Variants in NPAS2 observed in about 807,000 individuals in gnomAD.
NPAS2 encodes the protein neuronal PAS domain-containing protein 2.
Under a neutral mutation model 107.5 loss-of-function variants are expected in NPAS2, and 23 were observed. The ratio of observed to expected loss-of-function variants is 0.21; its 90% CI spans 0.15 to 0.30. The LOEUF (loss-of-function observed/expected upper bound fraction) is 0.30. Ranked by LOEUF, NPAS2 falls within the 10% of genes least tolerant of loss-of-function variation. NPAS2 has a pLI of 1.00. For synonymous variants in NPAS2, 403 were observed against 417.5 expected (o/e 0.97, Z 0.42); for missense variants, 756 against 1,043.3 (o/e 0.72, Z 3.79).
chr2:100,960,596 T>G (rs1357479668), intron 7 of NPAS2, among the ~76,000 whole-genome samples: 1 of 152,112 alleles, frequency 6.6e-6, no homozygotes, highest in Non-Finnish European at 1.5e-5. Flanking sequence ...GGCCTCCTGC[T>G]GACTAGTGTT....
intron 4 of NPAS2, chr2:100,934,729 C>G: frequency 1.0e-6 from 1 of 952,646 alleles, no homozygotes; most frequent in African/African-American, 1.8e-5. Flanking sequence ...AGCATCTCCT[C>G]CCTGGTGGCC....
At chr2:100,981,205 G>A (rs568782733) in intron 15 of NPAS2, among the ~76,000 whole-genome samples, 1 of 152,362 alleles carries the variant, frequency 6.6e-6, no homozygotes, top group East Asian at 1.9e-4. Context: ...CAGAGGAAAA[G>A]AGAGAGGCCC....
chr2:100,964,302 G>T (rs138235149), intron 8 of NPAS2, 126 bp downstream of exon 8: 23 of 743,610 alleles, frequency 3.1e-5, no homozygotes, highest in Non-Finnish European at 4.1e-5. Flanking sequence ...TTTGAAAATC[G>T]AAGTGTCTGG....
intron 1 of NPAS2, 28 bp from the exon 2 acceptor site, chr2:100,904,705 T>C (rs760032633): frequency 3.6e-6 from 5 of 1,386,096 alleles, no homozygotes; most frequent in Non-Finnish European, 5.0e-6. Context: ...TTATCCATTC[T>C]TTTTAATTTT....
At chr2:100,854,851 G>A (rs186171148) in intron 1 of NPAS2, among the ~76,000 whole-genome samples, 91 of 152,310 alleles carry the variant, frequency 6.0e-4, no homozygotes, top group Non-Finnish European at 1.2e-3. Flanking sequence ...CTCTACAGCT[G>A]TGCACAGTGT....
chr2:100,921,604 G>A (rs1683231808), intron 2 of NPAS2, among the ~76,000 whole-genome samples: 1 of 152,032 alleles, frequency 6.6e-6, no homozygotes, highest in Admixed American at 6.6e-5. Context: ...TGGAAAATAG[G>A]CAGAAGATTT....
At chr2:100,959,089 C>CAAAAAA (rs758460503) in intron 7 of NPAS2, among the ~76,000 whole-genome samples, 26 of 47,540 alleles carry the variant, frequency 5.5e-4, no homozygotes, top group African/African-American at 9.5e-4. Context: ...CCCATCTCTT[C>CAAAAAA]AAAAAAAAAA....
At chr2:100,941,486 C>T (rs1228786905) in intron 5 of NPAS2, among the ~76,000 whole-genome samples, 2 of 152,056 alleles carry the variant, frequency 1.3e-5, no homozygotes, top group Admixed American at 1.3e-4. Flanking sequence ...TCGCTTGAGC[C>T]TGGGAGGAGG....
At chr2:100,930,671 T>A (rs373177899) in intron 3 of NPAS2, among the ~76,000 whole-genome samples, 40 of 152,196 alleles carry the variant, frequency 2.6e-4, no homozygotes, top group Non-Finnish European at 5.0e-4. Flanking sequence ...GGAGTCTAAT[T>A]CAGTTGTTGA....
chr2:100,855,268 C>T (rs1573473738), intron 1 of NPAS2, among the ~76,000 whole-genome samples: 1 of 152,116 alleles, frequency 6.6e-6, no homozygotes, highest in Non-Finnish European at 1.5e-5. Context: ...AATGTGCACC[C>T]CTGTTTGAGT....
intron 1 of NPAS2, among the ~76,000 whole-genome samples, chr2:100,900,862 C>T (rs553515563): frequency 6.6e-6 from 1 of 151,760 alleles, no homozygotes; most frequent in African/African-American, 2.4e-5. Context: ...CTTTTCCCCT[C>T]CCCTCCCCTC....
chr2:100,982,425 G>C, intron 16 of NPAS2, 48 bp downstream of exon 16: 1 of 1,599,456 alleles, frequency 6.3e-7, no homozygotes, highest in African/African-American at 1.3e-5. Context: ...TGTGTGGGAA[G>C]GGGTCCTGCC....
intron 1 of NPAS2, among the ~76,000 whole-genome samples, chr2:100,889,536 G>A (rs1191928803): frequency 6.6e-6 from 1 of 152,160 alleles, no homozygotes; most frequent in Non-Finnish European, 1.5e-5. Context: ...CATTAGTTTT[G>A]TTCTTGTGTA....
At chr2:100,858,192 A>G (rs1002233465) in intron 1 of NPAS2, among the ~76,000 whole-genome samples, 6 of 152,194 alleles carry the variant, frequency 3.9e-5, no homozygotes. Context: ...CTCACTGTGA[A>G]AGCTACAGGC....
chr2:100,843,887 GTCCTGATAAGCCAT>G (rs1257376943), intron 1 of NPAS2, among the ~76,000 whole-genome samples: 1 of 152,180 alleles, frequency 6.6e-6, no homozygotes, highest in Non-Finnish European at 1.5e-5. Flanking sequence ...AGAAGATGGT[GTCCTGATAAGCCAT>G]TCCAGAACTA....
chr2:100,856,982 G>C (rs1474366067), intron 1 of NPAS2, among the ~76,000 whole-genome samples: 3 of 152,160 alleles, frequency 2.0e-5, no homozygotes, highest in African/African-American at 7.2e-5. Context: ...GGCATGGATA[G>C]GACAGGCTGT....
chr2:100,826,022 T>A (rs1205849174), intron 1 of NPAS2, among the ~76,000 whole-genome samples: 9 of 152,166 alleles, frequency 5.9e-5, no homozygotes, highest in Non-Finnish European at 1.3e-4. Context: ...ACTGAGCTAG[T>A]TTTTCTGTTG....
At chr2:100,971,655 G>A (rs1293287714) in intron 12 of NPAS2, among the ~76,000 whole-genome samples, 1 of 152,142 alleles carries the variant, frequency 6.6e-6, no homozygotes, top group Non-Finnish European at 1.5e-5. Context: ...GAGCCCTGCT[G>A]TAGAAAGGCC....
intron 3 of NPAS2, among the ~76,000 whole-genome samples, chr2:100,931,267 G>A (rs961470968): frequency 2.0e-5 from 3 of 152,040 alleles, no homozygotes; most frequent in African/African-American, 7.3e-5. Flanking sequence ...CTTCTCCTGG[G>A]TTTCTTCCAG....
Sources: gnomAD v4.1 joint callset for allele counts (sites outside exome capture counted in the v4.1 genomes callset) on GRCh38, gnomAD v4.1.1 for gene constraint, MANE v1.5 for transcripts, NCBI Gene and HGNC (gene_info 2026-07-23, HGNC 2026-07-21) for gene names.